ST6GALNAC3: variants seen among roughly 807,000 people sequenced by gnomAD.
ST6GALNAC3 encodes the protein alpha-N-acetylgalactosaminide alpha-2,6-sialyltransferase 3.
In ST6GALNAC3, 25 loss-of-function variants were observed where a neutral mutation model predicts 32.7. The observed-to-expected ratio is 0.76, with a 90% CI of 0.56 to 1.07. The LOEUF is 1.07. Among genes scored for constraint, ST6GALNAC3 ranks in the 50% least tolerant of loss-of-function variants. The pLI is 0.00. For synonymous variants in ST6GALNAC3, 129 were observed against 133.1 expected (o/e 0.97, Z 0.21); for missense variants, 355 against 382.4 (o/e 0.93, Z 0.60).
chr1:76,467,931 T>C (rs1013781605), intron 3 of ST6GALNAC3, among the ~76,000 whole-genome samples: 18 of 152,006 alleles, frequency 1.2e-4, no homozygotes, highest in African/African-American at 4.3e-4. Context: ...GGACATTTCG[T>C]TTTAATGTAA....
chr1:76,186,252 A>T (rs1399227984), intron 1 of ST6GALNAC3, among the ~76,000 whole-genome samples: 1 of 152,182 alleles, frequency 6.6e-6, no homozygotes, highest in African/African-American at 2.4e-5. Flanking sequence ...ACCAGATGCC[A>T]CACCCTGGAG....
chr1:76,499,939 A>G (rs1438068152), intron 3 of ST6GALNAC3, among the ~76,000 whole-genome samples: 1 of 152,130 alleles, frequency 6.6e-6, no homozygotes. Context: ...TAACTGGAAT[A>G]CTATGCGATC....
intron 3 of ST6GALNAC3, among the ~76,000 whole-genome samples, chr1:76,559,067 A>G (rs1353824397): frequency 6.6e-6 from 1 of 152,160 alleles, no homozygotes; most frequent in Non-Finnish European, 1.5e-5. Context: ...TAAATAATAG[A>G]GAAAATGCAT....
chr1:76,084,179 C>T (rs1381873592), intron 1 of ST6GALNAC3, among the ~76,000 whole-genome samples: 1 of 152,156 alleles, frequency 6.6e-6, no homozygotes, highest in Non-Finnish European at 1.5e-5. Flanking sequence ...GGATTGGCTG[C>T]TGGGTCAGGT....
At chr1:76,307,847 T>C (rs536992742) in intron 1 of ST6GALNAC3, 11 of 510,492 alleles carry the variant, frequency 2.2e-5, no homozygotes, top group South Asian at 5.7e-5. Context: ...ACTTGTGTTC[T>C]CTCCCAAAAT....
chr1:76,451,947 G>A (rs1657434593), intron 3 of ST6GALNAC3, among the ~76,000 whole-genome samples: 1 of 152,130 alleles, frequency 6.6e-6, no homozygotes, highest in South Asian at 2.1e-4. Flanking sequence ...ATGACTTCCA[G>A]TACTATGTTG....
chr1:76,558,576 C>A (rs926137183), intron 3 of ST6GALNAC3, among the ~76,000 whole-genome samples: 3 of 152,066 alleles, frequency 2.0e-5, no homozygotes, highest in Non-Finnish European at 2.9e-5. Flanking sequence ...TCAATAGACA[C>A]TGGGCACTGG....
intron 1 of ST6GALNAC3, among the ~76,000 whole-genome samples, chr1:76,152,783 C>T (rs1399943153): frequency 6.6e-6 from 1 of 152,212 alleles, no homozygotes; most frequent in Non-Finnish European, 1.5e-5. Flanking sequence ...ATCATGGGAT[C>T]AGCCATAGAC....
chr1:76,345,323 A>C (rs1396068516), intron 2 of ST6GALNAC3, among the ~76,000 whole-genome samples: 1 of 152,174 alleles, frequency 6.6e-6, no homozygotes, highest in Non-Finnish European at 1.5e-5. Flanking sequence ...GTAAGGAAGA[A>C]AAGAGAAATC....
intron 1 of ST6GALNAC3, among the ~76,000 whole-genome samples, chr1:76,213,619 A>C (rs1655294072): frequency 6.6e-6 from 1 of 152,182 alleles, no homozygotes; most frequent in Non-Finnish European, 1.5e-5. Context: ...TTCCAACTAA[A>C]ATCACAGAGA....
At position 76,631,665 on chromosome 1, in the gene ST6GALNAC3, A is replaced by G. The variant is rs1339409878; in HGVS notation, c.*2859A>G. ...ACTTACTTATCACTGATGTGTATTT[A>G]TCCCAGAAATTAATTAATATCTGTG... is the stretch of plus-strand genomic sequence containing the variant. On this transcript the variant is annotated 3_prime_UTR_variant, in exon 5 of 5. Coordinates refer to ENST00000328299, the MANE Select transcript of ST6GALNAC3 (RefSeq NM_152996.4). 1 of 152,060 alleles carries G rather than the reference A, an allele frequency of 6.6e-6. No homozygotes were observed. Among genetic ancestry groups the G allele is most frequent in the Non-Finnish European group, 1.5e-5 (1 of 67,986 alleles). 9.4% of individuals were successfully genotyped at this position (152,060 alleles called of 1,614,324 possible). A position where few individuals can be genotyped will look rare whatever the true frequency, so the allele number is the denominator to read the frequency against.
intron 1 of ST6GALNAC3, among the ~76,000 whole-genome samples, chr1:76,100,286 A>G (rs1647197089): frequency 6.6e-6 from 1 of 152,150 alleles, no homozygotes; most frequent in Admixed American, 6.5e-5. Flanking sequence ...GTTGATATCA[A>G]AGAGAAAGTT....
At chr1:76,427,452 C>T (rs575506239) in intron 3 of ST6GALNAC3, among the ~76,000 whole-genome samples, 3 of 152,164 alleles carry the variant, frequency 2.0e-5, no homozygotes, top group Non-Finnish European at 4.4e-5. Flanking sequence ...GTGTCTTACA[C>T]ATTCCTATGC....
At chr1:76,169,461 A>G (rs1221639002) in intron 1 of ST6GALNAC3, among the ~76,000 whole-genome samples, 2 of 152,064 alleles carry the variant, frequency 1.3e-5, no homozygotes, top group Non-Finnish European at 2.9e-5. Context: ...AAAGAATTTT[A>G]CTGGGGTTCT....
At chr1:76,430,589 C>G (rs1194992997) in intron 3 of ST6GALNAC3, among the ~76,000 whole-genome samples, 1 of 152,180 alleles carries the variant, frequency 6.6e-6, no homozygotes, top group South Asian at 2.1e-4. Context: ...CCATGCAGCT[C>G]TCTCTAACAG....
At chr1:76,438,276 T>C (rs894158803) in intron 3 of ST6GALNAC3, among the ~76,000 whole-genome samples, 11 of 152,072 alleles carry the variant, frequency 7.2e-5, no homozygotes, top group African/African-American at 2.6e-4. Context: ...CTCAGCCTCC[T>C]GAGTAGCTGG....
chr1:76,631,855 AAG>A lies in ST6GALNAC3; in HGVS notation c.*3052_*3053del, dbSNP rs1359522187. 1 of 152,108 alleles carries A rather than the reference AAG, an allele frequency of 6.6e-6. No individual in the cohort carries two copies. The highest frequency in any genetic ancestry group is 6.6e-5 in the Admixed American group (1 of 15,260). 9.4% of individuals were successfully genotyped at this position (152,108 alleles called of 1,614,324 possible). ...CTATGAAAAAGCAAGGTAATTTAAA[AAG>A]AGTTTTAAAATGTGTGTTTGAATCT... On this transcript the variant is annotated 3_prime_UTR_variant, in exon 5 of 5. Transcript: ENST00000328299.
downstream of ST6GALNAC3, among the ~76,000 whole-genome samples, chr1:76,636,140 CA>C (rs1325151199): frequency 6.6e-6 from 1 of 152,092 alleles, no homozygotes; most frequent in Non-Finnish European, 1.5e-5. Flanking sequence ...AACTAAGGAA[CA>C]ATATATTGCT....
At chr1:76,315,594 C>A (rs1646850506) in intron 2 of ST6GALNAC3, among the ~76,000 whole-genome samples, 2 of 152,080 alleles carry the variant, frequency 1.3e-5, no homozygotes, top group Admixed American at 1.3e-4. Flanking sequence ...TTTGCTCCTG[C>A]AAAGGTTATT....
Sources: gnomAD v4.1 joint callset for allele counts (sites outside exome capture counted in the v4.1 genomes callset) on GRCh38, gnomAD v4.1.1 for gene constraint, MANE v1.5 for transcripts, NCBI Gene and HGNC (gene_info 2026-07-23, HGNC 2026-07-21) for gene names.